The following KPNA4 variants were observed in gnomAD, a reference collection of about 807,000 sequenced individuals.
The protein encoded by KPNA4 is karyopherin subunit alpha 4, also known as importin subunit alpha-3.
Under a neutral mutation model 71.3 loss-of-function variants are expected in KPNA4, and 13 were observed. That is an observed-to-expected ratio of 0.18 (90% CI 0.12 to 0.29). The LOEUF is 0.29. KPNA4 is among the 10% of genes least tolerant of loss of function. KPNA4 has a pLI of 1.00. For synonymous variants in KPNA4, 189 were observed against 195.2 expected (o/e 0.97, Z 0.26); for missense variants, 334 against 603.2 (o/e 0.55, Z 4.67).
intron 1 of KPNA4, among the ~76,000 whole-genome samples, chr3:160,539,583 A>G (rs185616797): frequency 2.2e-4 from 33 of 152,358 alleles, no homozygotes; most frequent in African/African-American, 7.9e-4. Context: ...AATGGTTCAC[A>G]CTAAAGCAAA....
intron 7 of KPNA4, 117 bp downstream of exon 7, chr3:160,530,738 C>A: frequency 1.5e-6 from 1 of 660,476 alleles, no homozygotes; most frequent in Non-Finnish European, 2.6e-6. Flanking sequence ...ATTTCAATAA[C>A]TACGTAGTAG....
chr3:160,500,146 A>G lies in KPNA4; in HGVS notation c.*1958T>C, dbSNP rs2108540726. On this transcript the variant is annotated 3_prime_UTR_variant, in exon 17 of 17. Coordinates refer to ENST00000334256, the MANE Select transcript of KPNA4 (RefSeq NM_002268.5). ...TTTATAAAAAAAAAAAAATCCACACACCACACACACACACCCCATGTAAAA... is the reference window on the plus strand; with the variant it reads ...TTTATAAAAAAAAAAAAATCCACACGCCACACACACACACCCCATGTAAAA... 1 of 152,146 alleles carries G rather than the reference A, an allele frequency of 6.6e-6. No homozygotes were observed. The highest frequency in any genetic ancestry group is 2.1e-4 in the South Asian group (1 of 4,812). The allele number at this position is 152,146 out of a possible 1,614,324, so 9.4% of individuals were successfully genotyped here.
Position 160,565,212 on chromosome 3 carries a change from A to T in KPNA4, c.69+2T>A, listed in dbSNP as rs1722323017. On this transcript the variant is annotated splice_donor_variant, in intron 1 of 16. Transcript: ENST00000334256. LOFTEE classifies it high-confidence loss of function. ...CCCCTCCGGCGTCGTCCCCGAGTTTACCTCCAAGTCGCGGCCTTTGTTCTT... is the reference window on the plus strand; with the variant it reads ...CCCCTCCGGCGTCGTCCCCGAGTTTTCCTCCAAGTCGCGGCCTTTGTTCTT... 6.2e-7 allele frequency: 1 copy of T among 1,605,254 alleles called. No individual in the cohort carries two copies. The highest frequency in any genetic ancestry group is 8.5e-7 in the Non-Finnish European group (1 of 1,175,932).
intron 8 of KPNA4, among the ~76,000 whole-genome samples, chr3:160,527,551 C>T (rs938271407): frequency 2.0e-5 from 3 of 152,154 alleles, no homozygotes; most frequent in African/African-American, 7.2e-5. Context: ...ACTGTCATTA[C>T]GGAGAAAAAT....
intron 1 of KPNA4, among the ~76,000 whole-genome samples, chr3:160,538,054 A>G (rs949754814): frequency 4.6e-5 from 7 of 151,928 alleles, no homozygotes; most frequent in Admixed American, 4.6e-4. Flanking sequence ...GCAGTTTGGT[A>G]TAATCAATGG....
intron 11 of KPNA4, among the ~76,000 whole-genome samples, chr3:160,520,524 G>T (rs919267334): frequency 6.6e-6 from 1 of 151,520 alleles, no homozygotes; most frequent in Non-Finnish European, 1.5e-5. Context: ...GCCTCCCAAA[G>T]TGCTGGGATT....
intron 11 of KPNA4, among the ~76,000 whole-genome samples, chr3:160,518,425 G>A (rs574401188): frequency 2.2e-3 from 337 of 150,014 alleles, no homozygotes; most frequent in African/African-American, 7.9e-3. Context: ...GTGAGCCACC[G>A]CGCCCGGCCT....
chr3:160,519,468 A>C (rs1237660225), intron 11 of KPNA4, among the ~76,000 whole-genome samples: 2 of 152,200 alleles, frequency 1.3e-5, no homozygotes, highest in Non-Finnish European at 2.9e-5. Flanking sequence ...TTAAGGTTTT[A>C]AAAAGTCTAC....
chr3:160,536,338 C>CA (rs1057163873), intron 2 of KPNA4, among the ~76,000 whole-genome samples: 1 of 151,982 alleles, frequency 6.6e-6, no homozygotes. Flanking sequence ...CAATGTCTTA[C>CA]AAAAATCAAG....
At chr3:160,537,576 G>A (rs746795569) in intron 1 of KPNA4, among the ~76,000 whole-genome samples, 1 of 149,846 alleles carries the variant, frequency 6.7e-6, no homozygotes, top group Non-Finnish European at 1.5e-5. Flanking sequence ...TTACATACAG[G>A]TTCACCTTAT....
chr3:160,521,714 T>C, intron 11 of KPNA4, 65 bp downstream of exon 11: 2 of 1,439,108 alleles, frequency 1.4e-6, no homozygotes, highest in South Asian at 2.5e-5. Flanking sequence ...TGTCCATCTT[T>C]GAATGCCATG....
At chr3:160,540,982 A>G (rs1281244430) in intron 1 of KPNA4, among the ~76,000 whole-genome samples, 1 of 152,242 alleles carries the variant, frequency 6.6e-6, no homozygotes, top group African/African-American at 2.4e-5. Context: ...GCAAGTCAAA[A>G]CAGAATGCTA....
At chr3:160,521,710 T>C in intron 11 of KPNA4, 69 bp downstream of exon 11, 2 of 1,402,930 alleles carry the variant, frequency 1.4e-6, no homozygotes, top group Non-Finnish European at 9.9e-7. Flanking sequence ...AAATTGTCCA[T>C]CTTTGAATGC....
chr3:160,510,849 G>A (rs1486752247), intron 13 of KPNA4, among the ~76,000 whole-genome samples: 4 of 151,554 alleles, frequency 2.6e-5, no homozygotes, highest in East Asian at 3.9e-4. Flanking sequence ...GTGCAGTGGC[G>A]CAATCTCGGC....
At chr3:160,515,129 T>C (rs1484219415) in intron 12 of KPNA4, 1 of 521,274 alleles carries the variant, frequency 1.9e-6, no homozygotes, top group South Asian at 1.4e-5. Flanking sequence ...ACACTCTCTA[T>C]TAAGTACCTA....
rs1398505777 is a variant in KPNA4, at chr3:160,500,896, C to T, written c.*1208G>A. On this transcript the variant is annotated 3_prime_UTR_variant, in exon 17 of 17. Coordinates refer to ENST00000334256, the MANE Select transcript of KPNA4 (RefSeq NM_002268.5). ...TTTGAAAACAAGTAACATTTAAACA[C>T]AGCACGGTATTCTACCACAACTGAA... is the stretch of plus-strand genomic sequence containing the variant. The T allele has an allele frequency of 2.6e-5, 4 of 152,568 alleles. No homozygotes were observed. Among genetic ancestry groups the T allele is most frequent in the Admixed American group, 6.6e-5 (1 of 15,262 alleles). 9.5% of individuals were successfully genotyped at this position (152,568 alleles called of 1,614,324 possible). A position where few individuals can be genotyped will look rare whatever the true frequency, so the allele number is the denominator to read the frequency against.
At position 160,501,983 on chromosome 3, in the gene KPNA4, A is replaced by G. The variant is rs1278622829; in HGVS notation, c.*121T>C. The G allele has an allele frequency of 3.0e-5, 9 of 300,250 alleles. No individual in the cohort carries two copies. The highest frequency in any genetic ancestry group is 5.0e-5 in the Admixed American group (1 of 19,868). The allele number at this position is 300,250 out of a possible 1,614,324, so 18.6% of individuals were successfully genotyped here. On this transcript the variant is annotated 3_prime_UTR_variant, in exon 17 of 17. Coordinates refer to ENST00000334256, the MANE Select transcript of KPNA4 (RefSeq NM_002268.5). ...CCGATTTAATGCAGCAGCAGATCCCATGAGCCAAGCTTGATGGATCAAACC... is the reference window on the plus strand; with the variant it reads ...CCGATTTAATGCAGCAGCAGATCCCGTGAGCCAAGCTTGATGGATCAAACC...
chr3:160,520,339 C>T (rs1034361494), intron 11 of KPNA4, among the ~76,000 whole-genome samples: 6 of 151,812 alleles, frequency 4.0e-5, no homozygotes, highest in Admixed American at 1.3e-4. Flanking sequence ...ACAACCTCTG[C>T]CTCCTGGGTT....
intron 7 of KPNA4, among the ~76,000 whole-genome samples, chr3:160,528,777 C>T (rs1721511200): frequency 6.6e-6 from 1 of 152,292 alleles, no homozygotes; most frequent in East Asian, 1.9e-4. Flanking sequence ...TTCTGTTACT[C>T]AACAGGATGG....
Sources: gnomAD v4.1 joint callset for allele counts (sites outside exome capture counted in the v4.1 genomes callset) on GRCh38, gnomAD v4.1.1 for gene constraint, MANE v1.5 for transcripts, NCBI Gene and HGNC (gene_info 2026-07-23, HGNC 2026-07-21) for gene names.